DOCK1: variants seen among roughly 807,000 people sequenced by gnomAD.
DOCK1 encodes dedicator of cytokinesis protein 1.
Under a neutral mutation model 262.7 loss-of-function variants are expected in DOCK1, and 138 were observed. The observed-to-expected ratio is 0.53, with a 90% CI of 0.46 to 0.61. The LOEUF is 0.61. Ranked by LOEUF, DOCK1 falls within the 20% of genes least tolerant of loss-of-function variation. The probability of loss-of-function intolerance (pLI) is 0.00; values close to 1 mark genes in which losing one functional copy is unlikely to be tolerated. For missense variants in DOCK1, 1,908 were observed against 2,370.7 expected (o/e 0.80, Z 4.05); for synonymous variants, 866 against 867.4 (o/e 1.00, Z 0.03).
At chr10:127,044,474 G>A (rs1408418442) in intron 21 of DOCK1, among the ~76,000 whole-genome samples, 4 of 152,192 alleles carry the variant, frequency 2.6e-5, no homozygotes, top group Admixed American at 6.6e-5. Context: ...CAGTGTGTGG[G>A]CATGTCGAGT....
intron 29 of DOCK1, among the ~76,000 whole-genome samples, chr10:127,262,829 C>T (rs1003040298): frequency 1.3e-5 from 2 of 152,162 alleles, no homozygotes; most frequent in Admixed American, 1.3e-4. Flanking sequence ...CGTGCCATCA[C>T]GTCCTTCATA....
intron 1 of DOCK1, among the ~76,000 whole-genome samples, chr10:126,911,954 A>C (rs531979151): frequency 1.3e-5 from 2 of 152,338 alleles, no homozygotes; most frequent in South Asian, 4.1e-4. Flanking sequence ...AAGGACCACA[A>C]GACAGGGTGG....
intron 27 of DOCK1, among the ~76,000 whole-genome samples, chr10:127,226,722 TGACAGGGGAA>T (rs1474578198): frequency 4.6e-5 from 7 of 151,970 alleles, no homozygotes; most frequent in African/African-American, 1.7e-4. Context: ...CCAGCCTCGG[TGACAGGGGAA>T]GACTGGGTCT....
chr10:127,407,393 T>A (rs55716633), intron 40 of DOCK1, among the ~76,000 whole-genome samples: 8,506 of 152,112 alleles, frequency 0.056, 773 homozygotes, highest in African/African-American at 0.19. Flanking sequence ...CTCTGGGGCC[T>A]CTTTTCTGAG....
At chr10:126,984,019 CTCT>C (rs1332056141) in intron 4 of DOCK1, among the ~76,000 whole-genome samples, 1 of 152,176 alleles carries the variant, frequency 6.6e-6, no homozygotes, top group Non-Finnish European at 1.5e-5. Context: ...TGCTCTTATC[CTCT>C]TCTTATTATG....
At chr10:127,044,500 G>A (rs1026019529) in intron 21 of DOCK1, among the ~76,000 whole-genome samples, 4 of 152,336 alleles carry the variant, frequency 2.6e-5, no homozygotes, top group Admixed American at 6.5e-5. Context: ...CTTACAGACC[G>A]TGGGGAGGGT....
intron 29 of DOCK1, among the ~76,000 whole-genome samples, chr10:127,269,199 G>T (rs976080554): frequency 6.6e-6 from 1 of 152,154 alleles, no homozygotes; most frequent in Non-Finnish European, 1.5e-5. Flanking sequence ...ATGAGAAAGC[G>T]CATGTGGGGT....
In DOCK1 at chr10:127,181,720, G is replaced by A. The variant is rs117968350; in HGVS notation, c.2847+53956G>A. Among the ~76,000 whole-genome samples, 519 of 152,218 alleles carry A rather than the reference G, an allele frequency of 3.4e-3. 13 individuals carry two copies. In the East Asian group the frequency reaches 0.061, roughly 18 times the overall value. On this transcript the variant is annotated intron_variant, in intron 27 of 51. Transcript: ENST00000623213. ...CTCAGAATGGGAGAATGGTGAAAATGAACATCCCATTCTTCACCACCGGCT... is the reference window on the plus strand; with the variant it reads ...CTCAGAATGGGAGAATGGTGAAAATAAACATCCCATTCTTCACCACCGGCT...
intron 27 of DOCK1, among the ~76,000 whole-genome samples, chr10:127,205,658 T>C (rs1178041381): frequency 6.6e-6 from 1 of 152,234 alleles, no homozygotes; most frequent in East Asian, 1.9e-4. Flanking sequence ...TGACAATACA[T>C]ATTTTGTTAG....
At chr10:126,942,718 T>G (rs2035114703) in intron 1 of DOCK1, among the ~76,000 whole-genome samples, 1 of 152,180 alleles carries the variant, frequency 6.6e-6, no homozygotes, top group African/African-American at 2.4e-5. Flanking sequence ...TTACACAAAT[T>G]CATTAAAAGA....
At chr10:126,974,517 G>A (rs1279217317) in intron 2 of DOCK1, among the ~76,000 whole-genome samples, 1 of 152,098 alleles carries the variant, frequency 6.6e-6, no homozygotes, top group Admixed American at 6.5e-5. Context: ...ACTACGTGGA[G>A]GCCACTTGCA....
chr10:127,441,248 G>A (rs970512188), intron 49 of DOCK1, among the ~76,000 whole-genome samples: 1 of 152,192 alleles, frequency 6.6e-6, no homozygotes, highest in African/African-American at 2.4e-5. Context: ...TGCCCTTGGT[G>A]GCCCAAGCAT....
chr10:126,984,104 C>A (rs1012876343), intron 4 of DOCK1, among the ~76,000 whole-genome samples: 29 of 152,130 alleles, frequency 1.9e-4, no homozygotes, highest in African/African-American at 6.3e-4. Context: ...CTGTCCTAGC[C>A]TTCTCCTATT....
chr10:127,086,856 A>G (rs533316345), intron 23 of DOCK1, among the ~76,000 whole-genome samples: 33 of 152,350 alleles, frequency 2.2e-4, no homozygotes, highest in African/African-American at 7.7e-4. Context: ...TGAATATTAG[A>G]TAGGCATGCA....
chr10:126,968,829 A>G (rs2037874002), intron 1 of DOCK1, among the ~76,000 whole-genome samples: 1 of 152,196 alleles, frequency 6.6e-6, no homozygotes, highest in Admixed American at 6.5e-5. Context: ...CTTGTTAAAG[A>G]TTCACTGTAA....
intron 25 of DOCK1, among the ~76,000 whole-genome samples, chr10:127,112,244 T>A (rs2048912855): frequency 6.6e-6 from 1 of 152,190 alleles, no homozygotes; most frequent in African/African-American, 2.4e-5. Context: ...ACTACCGACC[T>A]CAAATGATCC....
At chr10:127,116,578 T>C (rs2049194273) in intron 25 of DOCK1, among the ~76,000 whole-genome samples, 1 of 152,198 alleles carries the variant, frequency 6.6e-6, no homozygotes, top group Non-Finnish European at 1.5e-5. Flanking sequence ...CCTTAAATTA[T>C]AGAAAAGTTG....
At chr10:127,165,747 A>G (rs1006888301) in intron 27 of DOCK1, among the ~76,000 whole-genome samples, 1 of 152,142 alleles carries the variant, frequency 6.6e-6, no homozygotes, top group African/African-American at 2.4e-5. Context: ...TTCCTCAAGG[A>G]GAGACGTTGC....
intron 27 of DOCK1, among the ~76,000 whole-genome samples, chr10:127,162,762 G>A (rs11016553): frequency 1.4e-3 from 216 of 152,290 alleles, no homozygotes; most frequent in Non-Finnish European, 2.0e-3. Flanking sequence ...ATAACGAGCC[G>A]GCCTCCCCAG....
Sources: gnomAD v4.1 joint callset for allele counts (sites outside exome capture counted in the v4.1 genomes callset) on GRCh38, gnomAD v4.1.1 for gene constraint, MANE v1.5 for transcripts, NCBI Gene and HGNC (gene_info 2026-07-23, HGNC 2026-07-21) for gene names.